NAALADL2: variants seen among roughly 807,000 people sequenced by gnomAD.
NAALADL2 encodes the protein inactive N-acetylated-alpha-linked acidic dipeptidase-like protein 2.
In NAALADL2, 76 loss-of-function variants were observed where a neutral mutation model predicts 87.2. The ratio of observed to expected loss-of-function variants is 0.87; its 90% confidence interval spans 0.72 to 1.05. The LOEUF is 1.05. Among genes scored for constraint, NAALADL2 ranks in the 50% least tolerant of loss-of-function variants. The pLI is 0.00. For missense variants in NAALADL2, 1,089 were observed against 945.8 expected (o/e 1.15, Z -1.99); for synonymous variants, 354 against 331.0 (o/e 1.07, Z -0.75).
rs1016580981 is a variant in NAALADL2, at chr3:175,203,031, T to C, written c.546-30900T>C. On this transcript the variant is annotated intron_variant, in intron 2 of 13. Coordinates refer to ENST00000454872, the MANE Select transcript of NAALADL2 (RefSeq NM_207015.3). ...TCCAGGTGGTGGACGAGATGGACTT[T>C]AGAACTTGCCCCAGGCTACCACCTC... 5.9e-5 allele frequency among the ~76,000 whole-genome samples: 9 copies of C among 152,074 alleles called. No homozygotes were observed. In the South Asian group the frequency reaches 1.0e-3, roughly 18 times the overall value.
chr3:175,192,537 C>T (rs886562640), intron 2 of NAALADL2, among the ~76,000 whole-genome samples: 1 of 151,888 alleles, frequency 6.6e-6, no homozygotes, highest in African/African-American at 2.4e-5. Flanking sequence ...ATTTGGTTCA[C>T]AATGTAGAGA....
At chr3:175,546,229 T>A (rs1713291691) in intron 9 of NAALADL2, among the ~76,000 whole-genome samples, 1 of 152,130 alleles carries the variant, frequency 6.6e-6, no homozygotes, top group Admixed American at 6.6e-5. Context: ...TTTTTCTGTT[T>A]TCCATTTTTT....
chr3:174,924,603 T>G (rs1735716250), intron 1 of NAALADL2, among the ~76,000 whole-genome samples: 1 of 152,108 alleles, frequency 6.6e-6, no homozygotes, highest in Admixed American at 6.5e-5. Context: ...GGTCAAATGG[T>G]ATTTCCAGTT....
In NAALADL2 at chr3:175,809,302, T is replaced by G. The variant is rs1051628691; in HGVS notation, c.*6099T>G. The G allele has an allele frequency of 6.6e-5, 10 of 151,902 alleles. No homozygotes were observed. Among genetic ancestry groups the G allele is most frequent in the African/African-American group, 2.2e-4 (9 of 41,506 alleles). The allele number at this position is 151,902 out of a possible 1,614,324, so 9.4% of individuals were successfully genotyped here. Reference sequence around the variant, plus strand: ...GTGTTATAAACAATTCTATTTAGCATCTGAGATAGGTCTATATTAGGCAAT... The same window carrying G: ...GTGTTATAAACAATTCTATTTAGCAGCTGAGATAGGTCTATATTAGGCAAT... On this transcript the variant is annotated 3_prime_UTR_variant, in exon 14 of 14. Coordinates refer to ENST00000454872, the MANE Select transcript of NAALADL2 (RefSeq NM_207015.3).
At chr3:174,848,007 C>CTT (rs201813674) in intron 3 of NAALADL2, among the ~76,000 whole-genome samples, 12 of 128,048 alleles carry the variant, frequency 9.4e-5, no homozygotes, top group Admixed American at 3.8e-4. Flanking sequence ...TTTTCTCTCT[C>CTT]TTTTTTTTTT....
At chr3:175,486,804 T>C (rs11920303) in intron 9 of NAALADL2, among the ~76,000 whole-genome samples, 15,331 of 152,144 alleles carry the variant, frequency 0.1, 928 homozygotes, top group East Asian at 0.25. Flanking sequence ...ACAAAGACCT[T>C]GGAGACCTCT....
chr3:175,415,058 C>T (rs930208194), intron 5 of NAALADL2, among the ~76,000 whole-genome samples: 2 of 152,096 alleles, frequency 1.3e-5, no homozygotes, highest in African/African-American at 4.8e-5. Context: ...TCCCTTTTGA[C>T]TTTTCTGTCT....
intron 10 of NAALADL2, among the ~76,000 whole-genome samples, chr3:175,625,894 A>G (rs1046804007): frequency 2.0e-5 from 3 of 151,970 alleles, no homozygotes; most frequent in Admixed American, 1.3e-4. Flanking sequence ...TAGTTATTCT[A>G]TTCATCTCAG....
intron 5 of NAALADL2, among the ~76,000 whole-genome samples, chr3:175,427,162 T>C (rs547289843): frequency 6.6e-6 from 1 of 152,298 alleles, no homozygotes; most frequent in South Asian, 2.1e-4. Context: ...TTTTTAGGAC[T>C]TAGGACTCAG....
intron 2 of NAALADL2, among the ~76,000 whole-genome samples, chr3:175,162,915 C>T (rs1733449878): frequency 6.6e-6 from 1 of 152,044 alleles, no homozygotes; most frequent in Non-Finnish European, 1.5e-5. Flanking sequence ...TATATAATCT[C>T]TGACTCTTTA....
intron 13 of NAALADL2, among the ~76,000 whole-genome samples, chr3:175,787,154 GCTGT>G (rs1472330569): frequency 1.3e-5 from 2 of 152,170 alleles, no homozygotes; most frequent in African/African-American, 4.8e-5. Flanking sequence ...AGAAGTTACT[GCTGT>G]CTTTTTGTTT....
intron 1 of NAALADL2, among the ~76,000 whole-genome samples, chr3:175,040,384 G>A (rs1293647232): frequency 6.6e-6 from 1 of 152,090 alleles, no homozygotes; most frequent in African/African-American, 2.4e-5. Flanking sequence ...CACAAAATAG[G>A]CAGTCAATAT....
intron 5 of NAALADL2, among the ~76,000 whole-genome samples, chr3:175,423,018 G>GAAAA (rs1218647180): frequency 0.41 from 25,020 of 60,910 alleles, 5,551 homozygotes; most frequent in Non-Finnish European, 0.46. Flanking sequence ...AGGTCCTTAA[G>GAAAA]AAAAAAAAAA....
chr3:174,976,127 T>G (rs998304609), intron 1 of NAALADL2, among the ~76,000 whole-genome samples: 4 of 152,226 alleles, frequency 2.6e-5, no homozygotes. Context: ...TTAATTTGAT[T>G]CATTATTTTA....
intron 9 of NAALADL2, among the ~76,000 whole-genome samples, chr3:175,494,995 C>G (rs1728607457): frequency 6.6e-6 from 1 of 151,162 alleles, no homozygotes; most frequent in Non-Finnish European, 1.5e-5. Flanking sequence ...CAATTGCTTA[C>G]TAAGACTGTT....
intron 4 of NAALADL2, among the ~76,000 whole-genome samples, chr3:175,287,775 G>A (rs1755161770): frequency 6.6e-6 from 1 of 152,180 alleles, no homozygotes; most frequent in South Asian, 2.1e-4. Context: ...ATTTGCCTTT[G>A]AATCTCCAGT....
intron 1 of NAALADL2, among the ~76,000 whole-genome samples, chr3:174,908,524 A>T (rs917353464): frequency 3.0e-4 from 45 of 152,114 alleles, no homozygotes; most frequent in African/African-American, 1.1e-3. Flanking sequence ...TTATTTTCAA[A>T]GTGGGTTGAA....
intron 2 of NAALADL2, among the ~76,000 whole-genome samples, chr3:174,727,145 A>G (rs1732271725): frequency 6.6e-6 from 1 of 151,904 alleles, no homozygotes; most frequent in South Asian, 2.1e-4. Flanking sequence ...TAATTTTTAT[A>G]TAAATATATG....
chr3:175,421,108 T>C (rs1218960950), intron 5 of NAALADL2, among the ~76,000 whole-genome samples: 1 of 152,040 alleles, frequency 6.6e-6, no homozygotes, highest in Non-Finnish European at 1.5e-5. Context: ...AATTATAAAA[T>C]ATCAAGAATG....
Sources: allele counts gnomAD v4.1 joint callset (sites outside exome capture counted in the v4.1 genomes callset), GRCh38; gene constraint gnomAD v4.1.1; transcripts MANE v1.5; gene names NCBI Gene and HGNC (gene_info 2026-07-23, HGNC 2026-07-21).